Variants in NFIX observed in about 807,000 individuals in gnomAD.
NFIX encodes the protein nuclear factor 1 X-type.
In NFIX, 2 loss-of-function variants were observed where a neutral mutation model predicts 53.3. That is an observed-to-expected ratio of 0.04 (90% confidence interval 0.02 to 0.12). NFIX has a LOEUF of 0.12. NFIX is among the 10% of genes least tolerant of loss of function. The pLI is 1.00. For synonymous variants in NFIX, 244 were observed against 289.0 expected, an observed-to-expected ratio of 0.84 and a Z score of 1.58; for missense variants, 310 against 674.5, an observed-to-expected ratio of 0.46 and a Z score of 5.99.
chr19:13,018,347 G>A lies in NFIX; in HGVS notation c.28-6674G>A, dbSNP rs1014182773. ...GAAAAGGAAGGGGCGGGGGGGGGGG[G>A]GGGGCGCGGTTTACAGGAGAGAAGT... On this transcript the variant is annotated intron_variant, in intron 1 of 10. Coordinates refer to ENST00000592199, the MANE Select transcript of NFIX (RefSeq NM_001365902.3). Among the ~76,000 whole-genome samples, 8 of 117,370 alleles carry A rather than the reference G, an allele frequency of 6.8e-5. 1 individual carries two copies. The highest frequency in any genetic ancestry group is 1.4e-4 in the Non-Finnish European group (7 of 51,844). The allele number at this position is 117,370 out of a possible 152,430, so 77.0% of individuals were successfully genotyped here.
rs1010722416 is a variant in NFIX at position 13,005,969 on chromosome 19, C to T, written c.27+10105C>T. 6.6e-6 allele frequency among the ~76,000 whole-genome samples: 1 copy of T among 152,210 alleles called. No homozygotes were observed. Among genetic ancestry groups the T allele is most frequent in the African/African-American group, 2.4e-5 (1 of 41,446 alleles). On this transcript the variant is annotated intron_variant, in intron 1 of 10. Coordinates refer to ENST00000592199, the MANE Select transcript of NFIX (RefSeq NM_001365902.3). This position sits in a 1 kb window ranked among gnomAD's most constrained non-coding sequence, Gnocchi z 4.7. ...CGGAGCTCAAATGCTGGGGGTGCAGCCGGGAGCCTGTGCATTCCTTCGACA... is the reference window on the plus strand; with the variant it reads ...CGGAGCTCAAATGCTGGGGGTGCAGTCGGGAGCCTGTGCATTCCTTCGACA...
chr19:13,074,359 G>C (rs1414527025), intron 5 of NFIX, among the ~76,000 whole-genome samples: 1 of 152,218 alleles, frequency 6.6e-6, no homozygotes, highest in African/African-American at 2.4e-5. Flanking sequence ...TGGGGAAAAT[G>C]TTCCAGGAGA....
chr19:13,025,668 G>C lies in NFIX; in HGVS notation c.559+116G>C. 1 of 1,229,064 alleles carries C rather than the reference G, an allele frequency of 8.1e-7. No individual in the cohort carries two copies. Among genetic ancestry groups the C allele is most frequent in the African/African-American group, 1.5e-5 (1 of 66,674 alleles). The allele number at this position is 1,229,064 out of a possible 1,614,324, so 76.1% of individuals were successfully genotyped here. ...CTCGCCATGGGCCTAACTGGTGTAT[G>C]CCCGTCCTGCGGGGCCTGCAACACG... On this transcript the variant is annotated intron_variant, in intron 2 of 10. Coordinates refer to ENST00000592199, the MANE Select transcript of NFIX (RefSeq NM_001365902.3). The surrounding 1 kb of genome is among the most constrained non-coding windows in gnomAD (Gnocchi z 7.5).
In NFIX at chr19:12,995,861, C is replaced by T. The variant is rs1464522241; in HGVS notation, c.24C>T (p.Thr8=). ...CTATGTACTCCCCGTACTGCCTCACCCAGGTACCGGCCGCCGCCCCCGCGC... is the reference window on the plus strand; with the variant it reads ...CTATGTACTCCCCGTACTGCCTCACTCAGGTACCGGCCGCCGCCCCCGCGC... MYSPYCL[T]QDEFHPFIEA... is the part of the protein sequence containing the mutation. The change falls in exon 1 of 11, where the codon ACC becomes ACT. Residue 8 remains threonine, a synonymous_variant. Coordinates refer to ENST00000592199, the MANE Select transcript of NFIX (RefSeq NM_001365902.3). 2.3e-5 allele frequency: 23 copies of T among 985,286 alleles called. No homozygotes were observed. The highest frequency in any genetic ancestry group is 2.6e-5 in the Non-Finnish European group (22 of 830,832). 61.0% of individuals were successfully genotyped at this position (985,286 alleles called of 1,614,324 possible). A position where few individuals can be genotyped will look rare whatever the true frequency, so the allele number is the denominator to read the frequency against.
intron 2 of NFIX, among the ~76,000 whole-genome samples, chr19:13,030,645 G>T (rs912374443): frequency 7.9e-5 from 12 of 152,102 alleles, no homozygotes; most frequent in Non-Finnish European, 1.6e-4. Context: ...TAGTGCCCTT[G>T]CCATTTTGGT....
Position 13,072,007 on chromosome 19 carries a change from C to T in NFIX, c.560-1040C>T, listed in dbSNP as rs949418619. Reference sequence around the variant, plus strand: ...AGGAGGCAGGAATGCTCTTTAAAGTCGGGCAAAGCCCTGGCCAATACCAAG... The same window carrying T: ...AGGAGGCAGGAATGCTCTTTAAAGTTGGGCAAAGCCCTGGCCAATACCAAG... On this transcript the variant is annotated intron_variant, in intron 2 of 10. Coordinates refer to ENST00000592199, the MANE Select transcript of NFIX (RefSeq NM_001365902.3). This position sits in a 1 kb window ranked among gnomAD's most constrained non-coding sequence, Gnocchi z 4.0. Among the ~76,000 whole-genome samples the T allele has an allele frequency of 2.0e-5, 3 of 152,220 alleles. No homozygotes were observed. Among genetic ancestry groups the T allele is most frequent in the Non-Finnish European group, 2.9e-5 (2 of 68,028 alleles).
rs1367839305 is a variant in NFIX at position 13,002,222 on chromosome 19, C to T, written c.27+6358C>T. Among the ~76,000 whole-genome samples the T allele has an allele frequency of 6.6e-6, 1 of 151,130 alleles. No individual in the cohort carries two copies. Among genetic ancestry groups the T allele is most frequent in the Non-Finnish European group, 1.5e-5 (1 of 67,686 alleles). The stretch of plus-strand genomic sequence containing the variant: ...TTCTCTCTCTCTCTTTCCTCCCTCT[C>T]TCCTCCCCTCCTCCCCTCCTCCCGC... On this transcript the variant is annotated intron_variant, in intron 1 of 10. Coordinates refer to ENST00000592199, the MANE Select transcript of NFIX (RefSeq NM_001365902.3). The surrounding 1 kb of genome is among the most constrained non-coding windows in gnomAD (Gnocchi z 6.1).
chr19:13,053,896 C>A (rs2015482369), intron 2 of NFIX, among the ~76,000 whole-genome samples: 1 of 152,122 alleles, frequency 6.6e-6, no homozygotes, highest in Admixed American at 6.5e-5. Context: ...GTCCCACCCT[C>A]AAGGGGTGCT....
intron 2 of NFIX, among the ~76,000 whole-genome samples, chr19:13,038,716 G>A (rs2014388853): frequency 6.6e-6 from 1 of 152,200 alleles, no homozygotes; most frequent in East Asian, 1.9e-4. Flanking sequence ...CTCTGGCCTT[G>A]ACCACATGCA....
intron 2 of NFIX, among the ~76,000 whole-genome samples, chr19:13,063,273 T>C (rs1189654489): frequency 6.6e-6 from 1 of 152,232 alleles, no homozygotes. Flanking sequence ...GTTCCTTCTC[T>C]GAGCCTTCTC....
chr19:13,058,474 A>C (rs933820140), intron 2 of NFIX, among the ~76,000 whole-genome samples: 1 of 151,090 alleles, frequency 6.6e-6, no homozygotes, highest in Non-Finnish European at 1.5e-5. Flanking sequence ...CATAGGGAGA[A>C]CTTGCCTCTT....
intron 8 of NFIX, among the ~76,000 whole-genome samples, chr19:13,084,664 A>T (rs1422146010): frequency 1.3e-5 from 2 of 152,030 alleles, no homozygotes; most frequent in African/African-American, 4.8e-5. Context: ...TGATGGAGAA[A>T]TCACAGGGCC....
Position 13,081,349 on chromosome 19 carries a change from A to G in NFIX, c.1079-331A>G, listed in dbSNP as rs1001614145. On this transcript the variant is annotated intron_variant, in intron 7 of 10. Transcript: ENST00000592199. The surrounding 1 kb of genome is among the most constrained non-coding windows in gnomAD (Gnocchi z 4.7). ...TTTTAAAAAGCCAAATAAAATAAAG[A>G]CAAGATCCTACCCTGCCTCATCTGC... Among the ~76,000 whole-genome samples, 4 of 152,140 alleles carry G rather than the reference A, an allele frequency of 2.6e-5. No individual in the cohort carries two copies. The highest frequency in any genetic ancestry group is 9.7e-5 in the African/African-American group (4 of 41,414).
chr19:13,034,089 T>G (rs1331732433), intron 2 of NFIX, among the ~76,000 whole-genome samples: 1 of 152,196 alleles, frequency 6.6e-6, no homozygotes, highest in Admixed American at 6.5e-5. Flanking sequence ...TACCTGGAGC[T>G]CATTCTGAGG....
At position 13,096,736 on chromosome 19, in the gene NFIX, G is replaced by T. The variant is rs1044935575; in HGVS notation, c.*2087G>T. 1 of 152,282 alleles carries T rather than the reference G, an allele frequency of 6.6e-6. No homozygotes were observed. The highest frequency in any genetic ancestry group is 1.5e-5 in the Non-Finnish European group (1 of 67,976). The allele number at this position is 152,282 out of a possible 1,614,324, so 9.4% of individuals were successfully genotyped here. A position where few individuals can be genotyped will look rare whatever the true frequency, so the allele number is the denominator to read the frequency against. On this transcript the variant is annotated 3_prime_UTR_variant, in exon 11 of 11. Coordinates refer to ENST00000592199, the MANE Select transcript of NFIX (RefSeq NM_001365902.3). Reference sequence around the variant, plus strand: ...CGGCCCACGTGCCCTTTCCCTCGACGACAGTCGAGGGCTCGGGCTCTGTGG... The same window carrying T: ...CGGCCCACGTGCCCTTTCCCTCGACTACAGTCGAGGGCTCGGGCTCTGTGG...
chr19:13,075,489 G>A (rs1174341716), intron 5 of NFIX, 46 bp from the exon 6 acceptor site: 2 of 1,605,330 alleles, frequency 1.2e-6, no homozygotes, highest in African/African-American at 2.7e-5. Flanking sequence ...ACTCCCTGGA[G>A]CCTCAGCCCA....
rs2011748004 is a variant in NFIX, at chr19:13,002,238, C to G, written c.27+6374C>G. ...CCTCCCTCTCTCCTCCCCTCCTCCCCTCCTCCCGCTCCCTCTCTCCCTCTC... is the reference window on the plus strand; with the variant it reads ...CCTCCCTCTCTCCTCCCCTCCTCCCGTCCTCCCGCTCCCTCTCTCCCTCTC... On this transcript the variant is annotated intron_variant, in intron 1 of 10. Coordinates refer to ENST00000592199, the MANE Select transcript of NFIX (RefSeq NM_001365902.3). This position sits in a 1 kb window ranked among gnomAD's most constrained non-coding sequence, Gnocchi z 6.1. 6.6e-6 allele frequency among the ~76,000 whole-genome samples: 1 copy of G among 151,866 alleles called. No homozygotes were observed. Among genetic ancestry groups the G allele is most frequent in the Non-Finnish European group, 1.5e-5 (1 of 67,886 alleles).
At chr19:13,058,881 C>T (rs1406799586) in intron 2 of NFIX, among the ~76,000 whole-genome samples, 1 of 151,964 alleles carries the variant, frequency 6.6e-6, no homozygotes, top group East Asian at 1.9e-4. Context: ...AATGAAACAG[C>T]CCCAATCCCC....
intron 2 of NFIX, among the ~76,000 whole-genome samples, chr19:13,042,206 T>G (rs1295346049): frequency 6.6e-6 from 1 of 152,046 alleles, no homozygotes; most frequent in East Asian, 1.9e-4. Context: ...GCGCCTGGCC[T>G]TAGCATCTTT....
Sources: gnomAD v4.1 joint callset for allele counts (sites outside exome capture counted in the v4.1 genomes callset) on GRCh38, gnomAD v4.1.1 for gene constraint, Gnocchi (gnomAD v3.1) non-coding constraint, MANE v1.5 for transcripts, NCBI Gene and HGNC (gene_info 2026-07-23, HGNC 2026-07-21) for gene names.